The following MCTP1 variants were observed in gnomAD, a reference collection of about 807,000 sequenced individuals.
The protein encoded by MCTP1 is multiple C2 and transmembrane domain-containing protein 1.
In MCTP1, 69 loss-of-function variants were observed where a neutral mutation model predicts 120.6. The ratio of observed to expected loss-of-function variants is 0.57; its 90% CI spans 0.47 to 0.70. The LOEUF (loss-of-function observed/expected upper bound fraction) is 0.70, where lower values mean the gene tolerates loss of function less well. Among genes scored for constraint, MCTP1 ranks in the 30% least tolerant of loss-of-function variants. MCTP1 has a pLI of 0.00. For synonymous variants in MCTP1, 529 were observed against 493.1 expected (o/e 1.07, Z -0.96); for missense variants, 1,203 against 1,248.8 (o/e 0.96, Z 0.55).
chr5:94,859,232 T>C (rs1795272789), intron 17 of MCTP1, among the ~76,000 whole-genome samples: 1 of 151,682 alleles, frequency 6.6e-6, no homozygotes, highest in South Asian at 2.1e-4. Flanking sequence ...ACCAGCCTCT[T>C]GGTTGAGGCA....
At chr5:95,114,117 C>A (rs1757648424) in intron 1 of MCTP1, among the ~76,000 whole-genome samples, 1 of 152,166 alleles carries the variant, frequency 6.6e-6, no homozygotes, top group South Asian at 2.1e-4. Context: ...GCCCTTGGGT[C>A]CTGAATAACC....
At chr5:94,744,778 G>C (rs1005745122) in intron 19 of MCTP1, among the ~76,000 whole-genome samples, 3 of 152,098 alleles carry the variant, frequency 2.0e-5, no homozygotes, top group African/African-American at 7.2e-5. Context: ...CCAACGTGCT[G>C]GGATTACAGG....
At chr5:94,947,472 C>A (rs1043256032) in intron 3 of MCTP1, among the ~76,000 whole-genome samples, 5 of 149,306 alleles carry the variant, frequency 3.3e-5, no homozygotes, top group Non-Finnish European at 5.9e-5. Context: ...CTTATAATAT[C>A]TCATTTTTCT....
chr5:94,845,072 T>C (rs1792018680), intron 17 of MCTP1, among the ~76,000 whole-genome samples: 1 of 152,210 alleles, frequency 6.6e-6, no homozygotes, highest in Non-Finnish European at 1.5e-5. Context: ...TTGCAAACTA[T>C]ATATCTGACA....
chr5:95,046,511 G>A (rs1345722556), intron 1 of MCTP1, among the ~76,000 whole-genome samples: 1 of 152,090 alleles, frequency 6.6e-6, no homozygotes, highest in African/African-American at 2.4e-5. Flanking sequence ...GACTCAAAGA[G>A]AACTGGTAAA....
rs182703550 is a variant in MCTP1 at position 94,791,090 on chromosome 5, C to A, written c.2556+7923G>T. Among the ~76,000 whole-genome samples the A allele has an allele frequency of 2.3e-4, 29 of 124,592 alleles. No individual in the cohort carries two copies. In the South Asian group the frequency reaches 6.3e-3, roughly 27 times the overall value. The allele number at this position is 124,592 out of a possible 152,430, so 81.7% of individuals were successfully genotyped here. A position where few individuals can be genotyped will look rare whatever the true frequency, so the allele number is the denominator to read the frequency against. On this transcript the variant is annotated intron_variant, in intron 18 of 22. Coordinates refer to ENST00000515393, the MANE Select transcript of MCTP1 (RefSeq NM_024717.7). ...GAGTTCCAGACCAGCCTAGCCAATA[C>A]GGCGAAATCCCGTCTCTACTACAAA...
chr5:95,202,525 G>A (rs900107861), intron 1 of MCTP1, among the ~76,000 whole-genome samples: 1 of 152,070 alleles, frequency 6.6e-6, no homozygotes, highest in Non-Finnish European at 1.5e-5. Context: ...TGTCTCTTTG[G>A]AGAACCCTGA....
At chr5:94,826,068 A>G in intron 17 of MCTP1, 1 of 306,870 alleles carries the variant, frequency 3.3e-6, no homozygotes, top group Non-Finnish European at 6.3e-6. Context: ...GATACTTTGA[A>G]GGATCACAGG....
At chr5:95,199,783 C>T (rs888543970) in intron 1 of MCTP1, among the ~76,000 whole-genome samples, 1 of 151,672 alleles carries the variant, frequency 6.6e-6, no homozygotes, top group African/African-American at 2.4e-5. Flanking sequence ...TGCATGAACT[C>T]AGGAGGTGGA....
chr5:95,186,922 T>C (rs1252030849), intron 1 of MCTP1, among the ~76,000 whole-genome samples: 1 of 152,130 alleles, frequency 6.6e-6, no homozygotes, highest in African/African-American at 2.4e-5. Context: ...AAAGTTAAAA[T>C]GGCTTATATC....
chr5:94,946,006 AG>A (rs1454786156), intron 3 of MCTP1, among the ~76,000 whole-genome samples: 3 of 152,238 alleles, frequency 2.0e-5, no homozygotes, highest in Non-Finnish European at 4.4e-5. Flanking sequence ...AGAAGGATCC[AG>A]AGAGGAGACT....
intron 1 of MCTP1, among the ~76,000 whole-genome samples, chr5:95,128,564 G>C (rs2152420120): frequency 6.6e-6 from 1 of 152,328 alleles, no homozygotes; most frequent in Admixed American, 6.5e-5. Context: ...AAAGAAGCCA[G>C]TCACAAAGGG....
At chr5:95,213,247 T>G (rs1289635625) in intron 1 of MCTP1, among the ~76,000 whole-genome samples, 5 of 152,198 alleles carry the variant, frequency 3.3e-5, no homozygotes, top group Non-Finnish European at 7.4e-5. Context: ...AAATCATGAG[T>G]GAACTCCCAT....
intron 3 of MCTP1, among the ~76,000 whole-genome samples, chr5:94,952,674 T>C (rs1820921621): frequency 6.6e-6 from 1 of 152,106 alleles, no homozygotes; most frequent in Non-Finnish European, 1.5e-5. Context: ...AGGAACTAGG[T>C]TGTAACTCCT....
Position 94,962,047 on chromosome 5 carries a change from C to T in MCTP1, c.839-8686G>A, listed in dbSNP as rs149858104. On this transcript the variant is annotated intron_variant, in intron 2 of 22. Coordinates refer to ENST00000515393, the MANE Select transcript of MCTP1 (RefSeq NM_024717.7). ...ACCAACAAACACATGAAAAAATGGT[C>T]AACGTCACTAATAATCAGGGAAATG... Among the ~76,000 whole-genome samples the T allele has an allele frequency of 6.6e-5, 10 of 152,086 alleles. No homozygotes were observed. In the East Asian group the frequency reaches 1.9e-3, roughly 29 times the overall value.
At chr5:95,226,402 A>C (rs1287595150) in intron 1 of MCTP1, among the ~76,000 whole-genome samples, 1 of 152,178 alleles carries the variant, frequency 6.6e-6, no homozygotes, top group East Asian at 1.9e-4. Context: ...AGCAATACCA[A>C]AGAATACTTA....
At chr5:95,142,610 T>C (rs1329658865) in intron 1 of MCTP1, among the ~76,000 whole-genome samples, 1 of 152,150 alleles carries the variant, frequency 6.6e-6, no homozygotes, top group Non-Finnish European at 1.5e-5. Context: ...AAAAAAGTCA[T>C]GAAAAGCTAA....
chr5:95,132,834 T>C (rs1333795244), intron 1 of MCTP1, among the ~76,000 whole-genome samples: 2 of 152,200 alleles, frequency 1.3e-5, no homozygotes, highest in Non-Finnish European at 2.9e-5. Flanking sequence ...TGATTTATAC[T>C]TGTCTCTTTA....
At chr5:94,957,676 G>T (rs1255615147) in intron 2 of MCTP1, among the ~76,000 whole-genome samples, 1 of 151,654 alleles carries the variant, frequency 6.6e-6, no homozygotes, top group Admixed American at 6.6e-5. Context: ...AGAAAGAAGG[G>T]AATTACCTAA....
Sources: gnomAD v4.1 joint callset for allele counts (sites outside exome capture counted in the v4.1 genomes callset) on GRCh38, gnomAD v4.1.1 for gene constraint, MANE v1.5 for transcripts, NCBI Gene and HGNC (gene_info 2026-07-23, HGNC 2026-07-21) for gene names.